USP31: variants seen among roughly 807,000 people sequenced by gnomAD.
USP31 encodes the protein ubiquitin specific peptidase 31.
USP31 carries 44 observed loss-of-function variants against 119.4 expected under a neutral mutation model. The ratio of observed to expected loss-of-function variants is 0.37; its 90% CI spans 0.29 to 0.47. The LOEUF (loss-of-function observed/expected upper bound fraction) is 0.47. Among genes scored for constraint, USP31 ranks in the 20% least tolerant of loss-of-function variants. The probability of loss-of-function intolerance (pLI) is 0.99; values close to 1 mark genes in which losing one functional copy is unlikely to be tolerated. For synonymous variants in USP31, 749 were observed against 705.6 expected (o/e 1.06, Z -0.97); for missense variants, 1,643 against 1,730.2 (o/e 0.95, Z 0.89).
At chr16:23,076,622 A>G (rs561591878) in intron 13 of USP31, among the ~76,000 whole-genome samples, 1 of 152,346 alleles carries the variant, frequency 6.6e-6, no homozygotes, top group African/African-American at 2.4e-5. Flanking sequence ...CCTCTAAGGT[A>G]GTTGGAGGTT....
At chr16:23,071,908 C>T in intron 15 of USP31, 137 bp downstream of exon 15, 1 of 1,208,642 alleles carries the variant, frequency 8.3e-7, no homozygotes, top group Non-Finnish European at 1.2e-6. Context: ...CTCACAGCTA[C>T]ACAGCTCCAC....
Position 23,065,070 on chromosome 16 carries a change from G to T in USP31, c.*2976C>A, listed in dbSNP as rs1900010901. 1 of 152,134 alleles carries T rather than the reference G, an allele frequency of 6.6e-6. No homozygotes were observed. Among genetic ancestry groups the T allele is most frequent in the Non-Finnish European group, 1.5e-5 (1 of 68,044 alleles). 9.4% of individuals were successfully genotyped at this position (152,134 alleles called of 1,614,324 possible). A position where few individuals can be genotyped will look rare whatever the true frequency, so the allele number is the denominator to read the frequency against. On this transcript the variant is annotated 3_prime_UTR_variant, in exon 16 of 16. Transcript: ENST00000219689. ...AGGGATTACCAAGGCAAGATGTAGG[G>T]CTGTCTTAAGGAATGATACGGCCTC...
At chr16:23,103,312 T>A (rs1418093351) in intron 5 of USP31, among the ~76,000 whole-genome samples, 1 of 151,754 alleles carries the variant, frequency 6.6e-6, no homozygotes, top group Non-Finnish European at 1.5e-5. Flanking sequence ...AAAAAAAAAA[T>A]CAACTCAAAT....
chr16:23,123,499 C>A (rs1283576423), intron 1 of USP31, among the ~76,000 whole-genome samples: 2 of 152,036 alleles, frequency 1.3e-5, no homozygotes, highest in Non-Finnish European at 2.9e-5. Flanking sequence ...GATCATGCCA[C>A]TGCACACCAG....
chr16:23,073,488 T>C (rs1003945820), intron 14 of USP31, among the ~76,000 whole-genome samples: 1 of 152,168 alleles, frequency 6.6e-6, no homozygotes, highest in Non-Finnish European at 1.5e-5. Context: ...TGAGCTTTCT[T>C]TGCGCCAGGT....
At chr16:23,106,174 A>C (rs916492696) in intron 4 of USP31, 39 bp downstream of exon 4, 1 of 1,611,116 alleles carries the variant, frequency 6.2e-7, no homozygotes, top group Non-Finnish European at 8.5e-7. Flanking sequence ...GGGATACCAT[A>C]AGAAAATACA....
At chr16:23,074,231 C>T (rs755053027) in intron 13 of USP31, among the ~76,000 whole-genome samples, 2 of 151,980 alleles carry the variant, frequency 1.3e-5, no homozygotes, top group African/African-American at 2.4e-5. Context: ...GGGAGAGGTG[C>T]TACTGGCATC....
At chr16:23,127,633 A>G (rs1902902666) in intron 1 of USP31, among the ~76,000 whole-genome samples, 1 of 145,784 alleles carries the variant, frequency 6.9e-6, no homozygotes, top group African/African-American at 2.5e-5. Context: ...CGCCTGGCTA[A>G]TTTTTGTAGT....
chr16:23,115,847 AG>A, intron 1 of USP31: 1 of 939,880 alleles, frequency 1.1e-6, no homozygotes, highest in Middle Eastern at 5.4e-4. Context: ...AAAAAAAAAA[AG>A]AGTTGGAAAC....
At chr16:23,071,059 C>T (rs1900323084) in intron 15 of USP31, among the ~76,000 whole-genome samples, 1 of 152,144 alleles carries the variant, frequency 6.6e-6, no homozygotes, top group African/African-American at 2.4e-5. Context: ...AAAGGTTCAC[C>T]AGTCAGTTTT....
At chr16:23,128,927 T>C (rs761529512) in intron 1 of USP31, among the ~76,000 whole-genome samples, 2 of 152,218 alleles carry the variant, frequency 1.3e-5, no homozygotes, top group South Asian at 2.1e-4. Context: ...ATCAAGACTA[T>C]GAAGTTTCCG....
chr16:23,122,910 C>A (rs1180282481), intron 1 of USP31, among the ~76,000 whole-genome samples: 2 of 152,166 alleles, frequency 1.3e-5, no homozygotes, highest in Non-Finnish European at 2.9e-5. Flanking sequence ...TCGAACTGTA[C>A]ACTAAATGGA....
rs1481578231 is a variant in USP31 at position 23,084,795 on chromosome 16, A to G, written c.1830+65T>C. The G allele has an allele frequency of 3.1e-6, 5 of 1,592,348 alleles. No individual in the cohort carries two copies. The Admixed American group carries it at 8.7e-5, about 28-fold the overall frequency. On this transcript the variant is annotated intron_variant, in intron 11 of 15. Coordinates refer to ENST00000219689, the MANE Select transcript of USP31 (RefSeq NM_020718.4). The stretch of plus-strand genomic sequence containing the variant: ...CTGGGGCGTGATTTGTTTCTCCACT[A>G]TCACCTTGCCATGCCCCACTCCCCA...
rs967033701 is a variant in USP31, at chr16:23,063,799, G to T, written c.*4247C>A. ...TATTGTTTGCTTGCATAGGTAGTAA[G>T]AGCATGCTTTCTGAGTTATATGGAG... On this transcript the variant is annotated 3_prime_UTR_variant, in exon 16 of 16. Transcript: ENST00000219689. 1 of 151,686 alleles carries T rather than the reference G, an allele frequency of 6.6e-6. No homozygotes were observed. Among genetic ancestry groups the T allele is most frequent in the Non-Finnish European group, 1.5e-5 (1 of 67,942 alleles). The allele number at this position is 151,686 out of a possible 1,614,324, so 9.4% of individuals were successfully genotyped here. A position where few individuals can be genotyped will look rare whatever the true frequency, so the allele number is the denominator to read the frequency against.
rs140656368 is a variant in USP31 at position 23,113,713 on chromosome 16, T to A, written c.634-5530A>T. ...ACCAAGGAGCTCAGTTATAACAGAA[T>A]GGAGGAAAGATGCTGTGACCATCTG... On this transcript the variant is annotated intron_variant, in intron 1 of 15. Transcript: ENST00000219689. 5.1e-4 allele frequency among the ~76,000 whole-genome samples: 77 copies of A among 152,124 alleles called. 1 individual carries two copies. In the Middle Eastern group the frequency reaches 0.014, roughly 27 times the overall value.
intron 1 of USP31, chr16:23,115,641 C>A: frequency 2.8e-6 from 1 of 361,030 alleles, no homozygotes; most frequent in South Asian, 1.1e-4. Flanking sequence ...CTCTTGGTCT[C>A]CTGACTTAAA....
At chr16:23,117,937 C>T (rs1453733453) in intron 1 of USP31, among the ~76,000 whole-genome samples, 1 of 152,026 alleles carries the variant, frequency 6.6e-6, no homozygotes, top group East Asian at 1.9e-4. Flanking sequence ...TACAGGTGCA[C>T]GCCACCACGT....
chr16:23,112,261 T>C (rs1475817292), intron 1 of USP31, among the ~76,000 whole-genome samples: 2 of 152,196 alleles, frequency 1.3e-5, no homozygotes, highest in African/African-American at 4.8e-5. Context: ...TCAGTCTTCA[T>C]GTCTATCTCC....
At chr16:23,146,309 A>T (rs1189875474) in intron 1 of USP31, among the ~76,000 whole-genome samples, 1 of 151,992 alleles carries the variant, frequency 6.6e-6, no homozygotes, top group East Asian at 1.9e-4. Context: ...TTGAGATCTC[A>T]GCTGGGCACG....
Sources: gnomAD v4.1 joint callset for allele counts (sites outside exome capture counted in the v4.1 genomes callset) on GRCh38, gnomAD v4.1.1 for gene constraint, MANE v1.5 for transcripts, NCBI Gene and HGNC (gene_info 2026-07-23, HGNC 2026-07-21) for gene names.